The following NEGR1 variants were observed in gnomAD, a reference collection of about 807,000 sequenced individuals.
NEGR1 encodes IgLON family member 4.
NEGR1 carries 10 observed loss-of-function variants against 40.9 expected under a neutral mutation model. The ratio of observed to expected loss-of-function variants is 0.24; its 90% CI spans 0.15 to 0.42. The LOEUF is 0.42. NEGR1 is among the 10% of genes least tolerant of loss of function. NEGR1 has a pLI of 1.00. For synonymous variants in NEGR1, 185 were observed against 166.8 expected (o/e 1.11, Z -0.84); for missense variants, 352 against 438.9 (o/e 0.80, Z 1.77).
chr1:71,849,139 G>A (rs1659520619), intron 2 of NEGR1, among the ~76,000 whole-genome samples: 1 of 151,814 alleles, frequency 6.6e-6, no homozygotes, highest in South Asian at 2.1e-4. Flanking sequence ...AGCTGCCACA[G>A]ACAGTGATTC....
At chr1:71,788,276 T>C (rs1656984512) in intron 2 of NEGR1, among the ~76,000 whole-genome samples, 1 of 152,276 alleles carries the variant, frequency 6.6e-6, no homozygotes, top group African/African-American at 2.4e-5. Flanking sequence ...GATTAAAAGA[T>C]AACTTGCCAT....
At chr1:72,068,466 C>T (rs1034111710) in intron 1 of NEGR1, among the ~76,000 whole-genome samples, 4 of 152,142 alleles carry the variant, frequency 2.6e-5, no homozygotes, top group African/African-American at 9.7e-5. Context: ...ACTCAATAAA[C>T]CTTTCTCCTG....
intron 1 of NEGR1, among the ~76,000 whole-genome samples, chr1:72,097,683 A>C (rs1370515914): frequency 6.6e-6 from 1 of 152,196 alleles, no homozygotes; most frequent in Non-Finnish European, 1.5e-5. Context: ...AGAATATTAC[A>C]TGCTGTGGTT....
At position 71,876,612 on chromosome 1, in the gene NEGR1, G is replaced by T. The variant is rs59773109; in HGVS notation, c.409+58467C>A. Among the ~76,000 whole-genome samples the T allele has an allele frequency of 5.9e-3, 892 of 150,322 alleles. 28 individuals are homozygous for T. Among genetic ancestry groups the T allele is most frequent in the Admixed American group, 0.039 (585 of 14,976 alleles). ...AGGAAGGAAGGAAGGAAAGAAGGAAGGAAGGAAGGAAGGAAAGAAGGAAGG... is the reference window on the plus strand; with the variant it reads ...AGGAAGGAAGGAAGGAAAGAAGGAATGAAGGAAGGAAGGAAAGAAGGAAGG... On this transcript the variant is annotated intron_variant, in intron 2 of 6. Coordinates refer to ENST00000357731, the MANE Select transcript of NEGR1 (RefSeq NM_173808.3).
At chr1:72,043,665 T>C (rs1646975392) in intron 1 of NEGR1, among the ~76,000 whole-genome samples, 2 of 152,076 alleles carry the variant, frequency 1.3e-5, no homozygotes, top group Admixed American at 1.3e-4. Context: ...AATCATATTG[T>C]CATATGTCTG....
At chr1:71,629,393 T>G (rs1471533283) in intron 4 of NEGR1, among the ~76,000 whole-genome samples, 1 of 152,074 alleles carries the variant, frequency 6.6e-6, no homozygotes, top group Non-Finnish European at 1.5e-5. Context: ...CATTTGTTTG[T>G]GTCTTCTCTT....
At chr1:72,217,809 A>T (rs190201408) in intron 1 of NEGR1, among the ~76,000 whole-genome samples, 358 of 151,978 alleles carry the variant, frequency 2.4e-3, no homozygotes, top group Non-Finnish European at 4.1e-3. Context: ...ATAAACTTGC[A>T]AAAAATAAGC....
At chr1:71,480,210 G>A (rs1274196796) in intron 6 of NEGR1, among the ~76,000 whole-genome samples, 2 of 151,744 alleles carry the variant, frequency 1.3e-5, no homozygotes, top group Non-Finnish European at 2.9e-5. Context: ...TCTTTACTTG[G>A]AGAAATTCAT....
chr1:72,084,939 A>G (rs1408026935), intron 1 of NEGR1, among the ~76,000 whole-genome samples: 1 of 152,242 alleles, frequency 6.6e-6, no homozygotes, highest in East Asian at 1.9e-4. Context: ...ATTAAATGAA[A>G]GCAACATAAT....
intron 1 of NEGR1, among the ~76,000 whole-genome samples, chr1:72,120,296 T>G (rs1004242826): frequency 2.4e-4 from 37 of 152,004 alleles, no homozygotes; most frequent in Non-Finnish European, 7.4e-5. Context: ...ATCTACAAAA[T>G]ATATTTTATA....
intron 6 of NEGR1, among the ~76,000 whole-genome samples, chr1:71,530,164 TAGA>T (rs1647309308): frequency 6.6e-6 from 1 of 151,366 alleles, no homozygotes; most frequent in Admixed American, 6.6e-5. Flanking sequence ...TCCACTTATG[TAGA>T]AGCAGTAAAT....
intron 2 of NEGR1, among the ~76,000 whole-genome samples, chr1:71,915,545 C>G (rs182109839): frequency 1.3e-5 from 2 of 152,136 alleles, no homozygotes; most frequent in Admixed American, 6.5e-5. Context: ...CAGTTCTTAA[C>G]ACATTTCATT....
At chr1:71,581,694 C>T (rs1479526885) in intron 6 of NEGR1, among the ~76,000 whole-genome samples, 1 of 107,064 alleles carries the variant, frequency 9.3e-6, no homozygotes, top group Non-Finnish European at 1.9e-5. Context: ...TCTCATTATA[C>T]ACAATTTTTT....
chr1:71,607,712 TGAGA>T (rs1650115237), intron 5 of NEGR1, among the ~76,000 whole-genome samples: 1 of 152,200 alleles, frequency 6.6e-6, no homozygotes, highest in Non-Finnish European at 1.5e-5. Context: ...TTTATTTTGT[TGAGA>T]GAGAGTATCG....
chr1:72,141,179 C>T (rs1377097312), intron 1 of NEGR1, among the ~76,000 whole-genome samples: 1 of 151,818 alleles, frequency 6.6e-6, no homozygotes, highest in Non-Finnish European at 1.5e-5. Flanking sequence ...ACTTAGGGAG[C>T]CATGAGTGGT....
intron 4 of NEGR1, among the ~76,000 whole-genome samples, chr1:71,690,597 C>CAT (rs1653233705): frequency 8.4e-6 from 1 of 118,512 alleles, no homozygotes; most frequent in East Asian, 2.5e-4. Flanking sequence ...CACACACACA[C>CAT]ACATATATAT....
At chr1:71,756,409 AAC>A (rs750432743) in intron 3 of NEGR1, among the ~76,000 whole-genome samples, 10,345 of 114,108 alleles carry the variant, frequency 0.091, 541 homozygotes, top group African/African-American at 0.21. Context: ...AACAAAAACA[AAC>A]AAAAAAAAAA....
chr1:72,132,559 T>A lies in NEGR1; in HGVS notation c.176+149760A>T, dbSNP rs1003272915. Among the ~76,000 whole-genome samples, 20 of 152,320 alleles carry A rather than the reference T, an allele frequency of 1.3e-4. 1 individual carries two copies. Among genetic ancestry groups the A allele is most frequent in the African/African-American group, 4.8e-4 (20 of 41,566 alleles). On this transcript the variant is annotated intron_variant, in intron 1 of 6. Coordinates refer to ENST00000357731, the MANE Select transcript of NEGR1 (RefSeq NM_173808.3). ...ATGGTGAAGATGTGATGGTAATTTT[T>A]TGAAATGACATTTCTTTAATAAATA...
chr1:71,671,241 T>C (rs1297219150), intron 4 of NEGR1, among the ~76,000 whole-genome samples: 1 of 152,150 alleles, frequency 6.6e-6, no homozygotes, highest in Non-Finnish European at 1.5e-5. Flanking sequence ...GGTCCTGTAA[T>C]GTATGATTAA....
Sources: allele counts gnomAD v4.1 joint callset (sites outside exome capture counted in the v4.1 genomes callset), GRCh38; gene constraint gnomAD v4.1.1; transcripts MANE v1.5; gene names NCBI Gene and HGNC (gene_info 2026-07-23, HGNC 2026-07-21).